DPP6: variants seen among roughly 807,000 people sequenced by gnomAD.
The protein encoded by DPP6 is A-type potassium channel modulatory protein DPP6.
Under a neutral mutation model 122.6 loss-of-function variants are expected in DPP6, and 69 were observed. The ratio of observed to expected loss-of-function variants is 0.56; its 90% CI spans 0.46 to 0.69. The LOEUF is 0.69. Ranked by LOEUF, DPP6 falls within the 30% of genes least tolerant of loss-of-function variation. The pLI is 0.00. For synonymous variants in DPP6, 418 were observed against 433.1 expected (o/e 0.97, Z 0.43); for missense variants, 928 against 1,116.9 (o/e 0.83, Z 2.41).
chr7:154,800,702 G>T (rs536427231), intron 12 of DPP6, among the ~76,000 whole-genome samples: 2 of 152,326 alleles, frequency 1.3e-5, no homozygotes, highest in South Asian at 4.1e-4. Context: ...TTGTCATCCA[G>T]TGTGGCCCGA....
At chr7:154,291,425 G>T (rs1448641956) in intron 1 of DPP6, among the ~76,000 whole-genome samples, 5 of 152,168 alleles carry the variant, frequency 3.3e-5, no homozygotes, top group Non-Finnish European at 5.9e-5. Context: ...ACCACTCCAA[G>T]GTCCAGTTCT....
the DPP6 span, among the ~76,000 whole-genome samples, chr7:153,764,745 C>CTA: frequency 6.6e-6 from 1 of 150,910 alleles, no homozygotes; most frequent in Non-Finnish European, 1.5e-5. Flanking sequence ...GGTGGAGTTC[C>CTA]TTACAAAATG....
At chr7:154,447,411 A>G (rs1206862602) in intron 2 of DPP6, among the ~76,000 whole-genome samples, 2 of 152,188 alleles carry the variant, frequency 1.3e-5, no homozygotes, top group Non-Finnish European at 2.9e-5. Flanking sequence ...GTAGATGCCT[A>G]TTTGTGCAGG....
intron 1 of DPP6, among the ~76,000 whole-genome samples, chr7:153,898,419 TC>T (rs1299938736): frequency 6.6e-6 from 1 of 152,138 alleles, no homozygotes; most frequent in Non-Finnish European, 1.5e-5. Flanking sequence ...GCCACGGCAC[TC>T]CAGCCTGGGT....
chr7:154,802,855 G>A (rs996743017), intron 13 of DPP6, among the ~76,000 whole-genome samples: 3 of 141,272 alleles, frequency 2.1e-5, no homozygotes, highest in Admixed American at 7.0e-5. Flanking sequence ...AAAAAAAAAA[G>A]ATTTATAAAT....
intron 1 of DPP6, among the ~76,000 whole-genome samples, chr7:154,351,903 G>C (rs954767340): frequency 2.6e-5 from 4 of 152,098 alleles, no homozygotes; most frequent in South Asian, 2.1e-4. Context: ...AAGGTTCCCT[G>C]GTCTGGGGCA....
chr7:154,653,845 G>C (rs959436232), intron 6 of DPP6, among the ~76,000 whole-genome samples: 1 of 152,158 alleles, frequency 6.6e-6, no homozygotes, highest in African/African-American at 2.4e-5. Flanking sequence ...TACAGTGACA[G>C]AGAAGACACA....
chr7:153,983,361 G>C (rs1053154882), intron 1 of DPP6, among the ~76,000 whole-genome samples: 6 of 152,236 alleles, frequency 3.9e-5, no homozygotes, highest in African/African-American at 1.4e-4. Context: ...GGAAAACCAC[G>C]TACTCAAGCC....
the DPP6 span, among the ~76,000 whole-genome samples, chr7:153,827,488 G>A: frequency 1.3e-5 from 2 of 152,160 alleles, no homozygotes; most frequent in Non-Finnish European, 2.9e-5. Flanking sequence ...ACTGGAGGAA[G>A]AAACCAGGGG....
chr7:154,022,355 C>T (rs137948003), intron 1 of DPP6, among the ~76,000 whole-genome samples: 1,819 of 152,140 alleles, frequency 0.012, 11 homozygotes, highest in African/African-American at 0.041. Flanking sequence ...TGGTTTATGG[C>T]ATGCTGAGTG....
intron 1 of DPP6, chr7:154,092,399 G>A (rs1804920250): frequency 6.6e-6 from 1 of 151,734 alleles, no homozygotes; most frequent in South Asian, 2.1e-4. Flanking sequence ...CTTGGTCTGG[G>A]ATCCACCCAG....
chr7:154,339,372 G>C (rs957429303), intron 1 of DPP6, among the ~76,000 whole-genome samples: 1 of 152,168 alleles, frequency 6.6e-6, no homozygotes, highest in African/African-American at 2.4e-5. Context: ...GGAGTGGGAG[G>C]AGGCTGTGGC....
intron 1 of DPP6, among the ~76,000 whole-genome samples, chr7:154,378,824 G>A (rs1170695052): frequency 6.6e-6 from 1 of 152,200 alleles, no homozygotes; most frequent in Non-Finnish European, 1.5e-5. Context: ...AGGAGAACCA[G>A]GCAACTTCTT....
intron 8 of DPP6, among the ~76,000 whole-genome samples, chr7:154,737,689 T>C (rs1003894047): frequency 3.3e-5 from 5 of 152,216 alleles, no homozygotes; most frequent in Non-Finnish European, 4.4e-5. Context: ...ATGAGTTGCA[T>C]TAATTTCTTG....
At chr7:154,647,295 G>A (rs1836546280) in intron 6 of DPP6, among the ~76,000 whole-genome samples, 1 of 152,166 alleles carries the variant, frequency 6.6e-6, no homozygotes, top group Non-Finnish European at 1.5e-5. Flanking sequence ...TTTACTTGCT[G>A]CCCTTGACAA....
chr7:154,530,498 T>A (rs1483686408), intron 3 of DPP6, among the ~76,000 whole-genome samples: 1 of 151,664 alleles, frequency 6.6e-6, no homozygotes, highest in Non-Finnish European at 1.5e-5. Context: ...AAACAACAGA[T>A]GTTGGCAAGG....
In DPP6 at chr7:154,718,682, C is replaced by T. The variant is rs564003135; in HGVS notation, c.763-9085C>T. 7.5e-5 allele frequency among the ~76,000 whole-genome samples: 11 copies of T among 146,880 alleles called. 2 individuals are homozygous for T. Among genetic ancestry groups the T allele is most frequent in the African/African-American group, 2.8e-4 (11 of 38,940 alleles). On this transcript the variant is annotated intron_variant, in intron 7 of 25. Transcript: ENST00000377770. ...GAGACTGAGTTTTGCTCTTGTTGCC[C>T]AGGCTGGAGTGCAGTGGCATGAGCT...
In DPP6 at chr7:153,964,608, G is replaced by GTCCTCAC. The variant is rs1268367460; in HGVS notation, c.51+76875_51+76881dup. On this transcript the variant is annotated intron_variant, in intron 1 of 25. Transcript: ENST00000404039. ...ATGACAGCTGCTCAGAGGTCTCAGT[G>GTCCTCAC]TCCTCACATATATTCCAGGAACAGT... Among the ~76,000 whole-genome samples, 3 of 152,184 alleles carry GTCCTCAC rather than the reference G, an allele frequency of 2.0e-5. No homozygotes were observed. In the East Asian group the frequency reaches 5.8e-4, roughly 29 times the overall value.
intron 16 of DPP6, among the ~76,000 whole-genome samples, chr7:154,820,459 G>A (rs567546020): frequency 2.0e-5 from 3 of 152,330 alleles, no homozygotes; most frequent in East Asian, 1.9e-4. Context: ...AATAGGTAAA[G>A]TAGTCAAATA....
Sources: gnomAD v4.1 joint callset for allele counts (sites outside exome capture counted in the v4.1 genomes callset) on GRCh38, gnomAD v4.1.1 for gene constraint, MANE v1.5 for transcripts, NCBI Gene and HGNC (gene_info 2026-07-23, HGNC 2026-07-21) for gene names.